Variants in ACER3 observed in about 807,000 individuals in gnomAD.
ACER3 encodes alkaline ceramidase 3, also known as alkCDase 3.
Under a neutral mutation model 48.9 loss-of-function variants are expected in ACER3, and 16 were observed. The ratio of observed to expected loss-of-function variants is 0.33; its 90% CI spans 0.22 to 0.50. ACER3 has a LOEUF of 0.50. Among genes scored for constraint, ACER3 ranks in the 20% least tolerant of loss-of-function variants. The probability of loss-of-function intolerance (pLI) is 0.98; values close to 1 mark genes in which losing one functional copy is unlikely to be tolerated. For synonymous variants in ACER3, 109 were observed against 107.8 expected, an observed-to-expected ratio of 1.01 and a Z score of -0.07; for missense variants, 227 against 326.0, an observed-to-expected ratio of 0.70 and a Z score of 2.34.
chr11:76,906,588 G>A (rs926150071), intron 1 of ACER3, among the ~76,000 whole-genome samples: 5 of 152,136 alleles, frequency 3.3e-5, no homozygotes, highest in East Asian at 1.9e-4. Flanking sequence ...TCTGTCTTCC[G>A]TGTGGCCAGC....
intron 3 of ACER3, among the ~76,000 whole-genome samples, chr11:76,963,574 C>T (rs996037277): frequency 2.6e-5 from 4 of 151,406 alleles, no homozygotes; most frequent in South Asian, 2.1e-4. Flanking sequence ...GGTGAAACCT[C>T]GGTCAAATCC....
chr11:77,001,178 CAATT>C (rs2135269583), intron 7 of ACER3, among the ~76,000 whole-genome samples: 1 of 152,238 alleles, frequency 6.6e-6, no homozygotes, highest in Non-Finnish European at 1.5e-5. Flanking sequence ...TATAGATACA[CAATT>C]GATTATCTTT....
intron 8 of ACER3, 48 bp from the exon 9 acceptor site, chr11:77,016,627 C>T: frequency 9.6e-7 from 1 of 1,041,734 alleles, no homozygotes; most frequent in Non-Finnish European, 1.4e-6. Flanking sequence ...GCGTTAGTCG[C>T]TAAATATTTT....
intron 2 of ACER3, 145 bp from the exon 3 acceptor site, chr11:76,958,834 T>C: frequency 1.2e-6 from 1 of 826,258 alleles, no homozygotes; most frequent in Non-Finnish European, 1.9e-6. Flanking sequence ...TAGCACTTAC[T>C]CAAGAGTCAG....
intron 1 of ACER3, among the ~76,000 whole-genome samples, chr11:76,880,769 G>T (rs1945502908): frequency 6.6e-6 from 1 of 152,172 alleles, no homozygotes; most frequent in African/African-American, 2.4e-5. Flanking sequence ...TATATGGCCT[G>T]CCATGGGGAG....
intron 1 of ACER3, among the ~76,000 whole-genome samples, chr11:76,908,250 A>G (rs1946284397): frequency 6.6e-6 from 1 of 152,210 alleles, no homozygotes; most frequent in African/African-American, 2.4e-5. Context: ...GTATGATTGT[A>G]TATTTAGAAA....
chr11:76,919,625 G>A (rs909039824), intron 1 of ACER3, among the ~76,000 whole-genome samples: 4 of 152,170 alleles, frequency 2.6e-5, no homozygotes, highest in Non-Finnish European at 4.4e-5. Flanking sequence ...TGAATATCTC[G>A]CTTTTATTTC....
chr11:76,942,584 G>T (rs1947365757), intron 2 of ACER3, among the ~76,000 whole-genome samples: 1 of 152,028 alleles, frequency 6.6e-6, no homozygotes, highest in African/African-American at 2.4e-5. Flanking sequence ...GATTTGATTT[G>T]TTAGTATTTT....
chr11:76,959,872 T>C (rs2135043417), intron 3 of ACER3, among the ~76,000 whole-genome samples: 1 of 152,168 alleles, frequency 6.6e-6, no homozygotes, highest in South Asian at 2.1e-4. Context: ...TAATTTTATG[T>C]GTGGCTCAGG....
At chr11:76,864,321 G>A (rs1393257564) in intron 1 of ACER3, among the ~76,000 whole-genome samples, 2 of 152,218 alleles carry the variant, frequency 1.3e-5, no homozygotes, top group Admixed American at 6.5e-5. Flanking sequence ...ACAAATGACT[G>A]TGCAAGTTAA....
At chr11:76,946,503 A>G (rs1947477771) in intron 2 of ACER3, among the ~76,000 whole-genome samples, 1 of 150,262 alleles carries the variant, frequency 6.7e-6, no homozygotes, top group South Asian at 2.1e-4. Context: ...CTGAGGGTGG[A>G]GCACAGCCCA....
rs573792369 is a variant in ACER3 at position 76,965,154 on chromosome 11, G to A, written c.267+6123G>A. On this transcript the variant is annotated intron_variant, in intron 3 of 10. Coordinates refer to ENST00000532485, the MANE Select transcript of ACER3 (RefSeq NM_018367.7). ...CTGAAAACCACGGCACGAGAACTAC[G>A]TGACGAATGCACAAGCCTCAGTAGC... Among the ~76,000 whole-genome samples the A allele has an allele frequency of 4.0e-5, 6 of 151,460 alleles. No homozygotes were observed. In the East Asian group the frequency reaches 9.6e-4, roughly 24 times the overall value.
At chr11:76,929,184 G>T (rs1369132096) in intron 2 of ACER3, among the ~76,000 whole-genome samples, 1 of 152,078 alleles carries the variant, frequency 6.6e-6, no homozygotes, top group Non-Finnish European at 1.5e-5. Flanking sequence ...CACATCCCTT[G>T]TAAGTTGGAT....
At chr11:76,946,902 C>T (rs563097008) in intron 2 of ACER3, among the ~76,000 whole-genome samples, 1 of 152,330 alleles carries the variant, frequency 6.6e-6, no homozygotes, top group East Asian at 1.9e-4. Flanking sequence ...AGGGGTTCTC[C>T]CTAGCCAAGA....
intron 2 of ACER3, among the ~76,000 whole-genome samples, chr11:76,954,707 C>T (rs1430072903): frequency 6.6e-6 from 1 of 151,104 alleles, no homozygotes; most frequent in Non-Finnish European, 1.5e-5. Context: ...CTCAAGTGAT[C>T]CTCCCACCTC....
intron 1 of ACER3, among the ~76,000 whole-genome samples, chr11:76,904,730 C>T (rs1188169688): frequency 6.6e-6 from 1 of 152,204 alleles, no homozygotes; most frequent in Admixed American, 6.5e-5. Context: ...GATCTAGACT[C>T]CATGGTACCA....
intron 2 of ACER3, among the ~76,000 whole-genome samples, chr11:76,949,331 C>T (rs1028363308): frequency 9.2e-5 from 14 of 152,230 alleles, no homozygotes; most frequent in East Asian, 3.9e-4. Context: ...TATGGGGAAA[C>T]GTATCCCTAT....
intron 10 of ACER3, among the ~76,000 whole-genome samples, 162 bp from the exon 11 acceptor site, chr11:77,020,112 A>G (rs541799094): frequency 7.5e-4 from 114 of 152,346 alleles, no homozygotes; most frequent in African/African-American, 2.6e-3. Flanking sequence ...TATCTGGTCC[A>G]AGTCTAGAAG....
chr11:77,001,690 G>A (rs1442670733), intron 7 of ACER3, among the ~76,000 whole-genome samples: 2 of 152,214 alleles, frequency 1.3e-5, no homozygotes, highest in African/African-American at 4.8e-5. Context: ...TAAGAGCAGT[G>A]ACAGCAGATC....
Sources: gnomAD v4.1 joint callset for allele counts (sites outside exome capture counted in the v4.1 genomes callset) on GRCh38, gnomAD v4.1.1 for gene constraint, MANE v1.5 for transcripts, NCBI Gene and HGNC (gene_info 2026-07-23, HGNC 2026-07-21) for gene names.